Variants in VWA8 observed in about 807,000 individuals in gnomAD.
VWA8 encodes the protein von Willebrand factor A domain containing 8, also known as von Willebrand factor A domain-containing protein 8.
A neutral mutation model predicts 241.5 loss-of-function variants in VWA8; 221 were observed. The ratio of observed to expected loss-of-function variants is 0.91; its 90% CI spans 0.82 to 1.02. VWA8 has a LOEUF of 1.02. Among genes scored for constraint, VWA8 ranks in the 50% least tolerant of loss-of-function variants. The pLI, the probability that VWA8 is intolerant of heterozygous loss-of-function variation, is 0.00. For synonymous variants in VWA8, 852 were observed against 827.1 expected, an observed-to-expected ratio of 1.03 and a Z score of -0.52; for missense variants, 2,322 against 2,328.7, an observed-to-expected ratio of 1.00 and a Z score of 0.06.
At chr13:41,710,333 T>C (rs567959900) in intron 26 of VWA8, among the ~76,000 whole-genome samples, 20 of 152,286 alleles carry the variant, frequency 1.3e-4, no homozygotes, top group African/African-American at 4.8e-4. Flanking sequence ...CACTTTTAAA[T>C]GCTTAAGGGA....
chr13:41,959,606 C>CTGTTTTTTTT (rs1878513286), intron 1 of VWA8, among the ~76,000 whole-genome samples: 1 of 79,648 alleles, frequency 1.3e-5, no homozygotes, highest in Non-Finnish European at 2.3e-5. Context: ...CCTAAATATG[C>CTGTTTTTTTT]TTTTTTTTTT....
At chr13:41,874,810 A>G (rs1011474744) in intron 9 of VWA8, among the ~76,000 whole-genome samples, 2 of 152,000 alleles carry the variant, frequency 1.3e-5, no homozygotes, top group Non-Finnish European at 2.9e-5. Context: ...TGTTGCCACA[A>G]TCTCTCCTGG....
intron 43 of VWA8, among the ~76,000 whole-genome samples, chr13:41,573,902 G>A (rs910538087): frequency 3.3e-5 from 5 of 152,182 alleles, no homozygotes; most frequent in Admixed American, 2.6e-4. Flanking sequence ...GATTGCAGGC[G>A]TGCGCCACCG....
At chr13:41,861,752 A>C (rs1873016658) in intron 12 of VWA8, among the ~76,000 whole-genome samples, 1 of 152,196 alleles carries the variant, frequency 6.6e-6, no homozygotes, top group Non-Finnish European at 1.5e-5. Context: ...AAAGTAAAAG[A>C]TCTTTTCTCT....
chr13:41,903,352 T>C (rs1875547415), intron 4 of VWA8, among the ~76,000 whole-genome samples: 1 of 152,192 alleles, frequency 6.6e-6, no homozygotes, highest in Admixed American at 6.5e-5. Context: ...GTGTCACTTA[T>C]GTTCCAGACA....
At chr13:41,927,347 T>G (rs17595358) in intron 2 of VWA8, 121,930 of 524,620 alleles carry the variant, frequency 0.23, 14,709 homozygotes, top group East Asian at 0.29. Flanking sequence ...GGCACTTCTG[T>G]CTAGAAAATA....
At chr13:41,822,123 A>T (rs540200400) in intron 14 of VWA8, among the ~76,000 whole-genome samples, 89 of 152,278 alleles carry the variant, frequency 5.8e-4, no homozygotes, top group African/African-American at 2.0e-3. Context: ...ATTAAAAATT[A>T]TCAAACTGTG....
chr13:41,592,251 G>T (rs1282223096), intron 40 of VWA8, among the ~76,000 whole-genome samples: 4 of 136,276 alleles, frequency 2.9e-5, no homozygotes, highest in Non-Finnish European at 4.7e-5. Flanking sequence ...TCACTCATAG[G>T]TGGGAATTGA....
chr13:41,629,688 A>C (rs1164231960), intron 37 of VWA8, among the ~76,000 whole-genome samples: 2 of 152,212 alleles, frequency 1.3e-5, no homozygotes, highest in East Asian at 3.8e-4. Flanking sequence ...TGGCTAAATA[A>C]CAACAACAAA....
chr13:41,573,486 A>AAATAAATAAATATATATATATAT lies in VWA8; in HGVS notation c.5370+2253_5370+2254insATATATATATATATTTATTTATT. On this transcript the variant is annotated intron_variant, in intron 43 of 44. Coordinates refer to ENST00000379310, the MANE Select transcript of VWA8 (RefSeq NM_015058.2). ...GGTGGCTATAGTTTAAAAAAAAAAA[A>AAATAAATAAATATATATATATAT]ATATATATATATATATATATACCTC... 8.1e-4 allele frequency among the ~76,000 whole-genome samples: 92 copies of AAATAAATAAATATATATATATAT among 113,592 alleles called. 1 individual carries two copies. Among genetic ancestry groups the AAATAAATAAATATATATATATAT allele is most frequent in the African/African-American group, 1.8e-3 (52 of 29,190 alleles). The allele number at this position is 113,592 out of a possible 152,430, so 74.5% of individuals were successfully genotyped here.
At chr13:41,910,247 G>C (rs966547022) in intron 3 of VWA8, among the ~76,000 whole-genome samples, 2 of 152,028 alleles carry the variant, frequency 1.3e-5, no homozygotes, top group Non-Finnish European at 2.9e-5. Flanking sequence ...CAAAATCTCA[G>C]TGAGATATTG....
intron 37 of VWA8, among the ~76,000 whole-genome samples, chr13:41,669,381 T>C (rs2045007416): frequency 6.6e-6 from 1 of 152,224 alleles, no homozygotes; most frequent in South Asian, 2.1e-4. Context: ...TGTTATCAAA[T>C]AGTTTCAATT....
chr13:41,875,549 C>T (rs545058733), intron 9 of VWA8, among the ~76,000 whole-genome samples: 59 of 151,988 alleles, frequency 3.9e-4, no homozygotes, highest in Non-Finnish European at 6.9e-4. Context: ...ATGTAAGCCC[C>T]TTGATTTTTG....
intron 39 of VWA8, among the ~76,000 whole-genome samples, chr13:41,608,392 A>C (rs1398874184): frequency 6.6e-6 from 1 of 152,222 alleles, no homozygotes; most frequent in Non-Finnish European, 1.5e-5. Flanking sequence ...TCTCAGGCCC[A>C]CAAAACTAGC....
intron 37 of VWA8, among the ~76,000 whole-genome samples, chr13:41,663,513 T>C (rs955979256): frequency 6.6e-6 from 1 of 152,152 alleles, no homozygotes; most frequent in African/African-American, 2.4e-5. Flanking sequence ...TAAAGGTAAC[T>C]ACTTCAACTC....
chr13:41,787,525 A>T lies in VWA8; in HGVS notation c.2082T>A (p.Ala694=). ...CCAGATTTTTTTCTAATGCTGACCTAGCAAGACTGGGTAAAAACCTGGAGG... is the reference window on the plus strand; with the variant it reads ...CCAGATTTTTTTCTAATGCTGACCTTGCAAGACTGGGTAAAAACCTGGAGG... ...ACLSRFLPSL[A]RSALEKNLAD... The change falls in exon 18 of 45, where the codon GCT becomes GCA. Residue 694 remains alanine, a synonymous_variant. Coordinates refer to ENST00000379310, the MANE Select transcript of VWA8 (RefSeq NM_015058.2). 6.2e-7 allele frequency: 1 copy of T among 1,612,374 alleles called. No individual in the cohort carries two copies.
intron 26 of VWA8, among the ~76,000 whole-genome samples, chr13:41,704,615 C>T (rs990800592): frequency 6.6e-6 from 1 of 152,042 alleles, no homozygotes; most frequent in Non-Finnish European, 1.5e-5. Flanking sequence ...GCATGCAAAA[C>T]TATGCCTGGC....
At chr13:41,833,304 T>C in intron 13 of VWA8, 67 bp downstream of exon 13, 1 of 1,490,238 alleles carries the variant, frequency 6.7e-7, no homozygotes, top group African/African-American at 1.4e-5. Context: ...ATGAGATAGT[T>C]CCATCTTTAC....
At chr13:41,911,913 T>A (rs1876019226) in intron 3 of VWA8, 125 bp downstream of exon 3, 2 of 1,143,538 alleles carry the variant, frequency 1.7e-6, no homozygotes, top group Admixed American at 6.3e-5. Flanking sequence ...CAAATCACCC[T>A]TTGATGTCAG....
Sources: gnomAD v4.1 joint callset for allele counts (sites outside exome capture counted in the v4.1 genomes callset) on GRCh38, gnomAD v4.1.1 for gene constraint, MANE v1.5 for transcripts, NCBI Gene and HGNC (gene_info 2026-07-23, HGNC 2026-07-21) for gene names.